SNX18: variants seen among roughly 807,000 people sequenced by gnomAD.
SNX18 encodes the protein sorting nexin 18, also known as sorting nexin-18.
Under a neutral mutation model 48.7 loss-of-function variants are expected in SNX18, and 35 were observed. That is an observed-to-expected ratio of 0.72 (90% confidence interval 0.55 to 0.95). SNX18 has a LOEUF of 0.95. Ranked by LOEUF, SNX18 falls within the 40% of genes least tolerant of loss-of-function variation. The pLI is 0.00. For missense variants in SNX18, 824 were observed against 871.0 expected (o/e 0.95, Z 0.68); for synonymous variants, 492 against 384.7 (o/e 1.28, Z -3.26).
intron 1 of SNX18, among the ~76,000 whole-genome samples, chr5:54,540,575 C>T (rs1311196179): frequency 2.1e-5 from 2 of 96,936 alleles, no homozygotes; most frequent in East Asian, 4.0e-4. Context: ...TTCTATATAA[C>T]ACAGTGCAGT....
At chr5:54,542,030 C>T (rs369253272) in intron 1 of SNX18, among the ~76,000 whole-genome samples, 1 of 152,180 alleles carries the variant, frequency 6.6e-6, no homozygotes, top group Non-Finnish European at 1.5e-5. Context: ...CCAAGCCAGG[C>T]ACTCTAGCTG....
At chr5:54,547,759 C>T (rs1385365515), downstream of SNX18, among the ~76,000 whole-genome samples, 2 of 152,204 alleles carry the variant, frequency 1.3e-5, no homozygotes, top group African/African-American at 4.8e-5. Flanking sequence ...ACTTTCACCT[C>T]CATGCAGTGC....
At chr5:54,617,103 G>T in the SNX18 span, among the ~76,000 whole-genome samples, 1 of 152,126 alleles carries the variant, frequency 6.6e-6, no homozygotes, top group Non-Finnish European at 1.5e-5. Flanking sequence ...TTCGTCAAAG[G>T]CCCCTTCAAA....
chr5:54,534,059 G>A (rs943725365), intron 1 of SNX18, among the ~76,000 whole-genome samples: 7 of 152,010 alleles, frequency 4.6e-5, no homozygotes, highest in African/African-American at 7.2e-5. Flanking sequence ...AAAACAGGCC[G>A]AGTCCAGTCT....
the SNX18 span, among the ~76,000 whole-genome samples, chr5:54,556,352 G>A: frequency 6.6e-6 from 1 of 152,140 alleles, no homozygotes; most frequent in Non-Finnish European, 1.5e-5. Context: ...CTCTGCGGGA[G>A]AATCCATTTC....
the SNX18 span, among the ~76,000 whole-genome samples, chr5:54,571,488 T>C: frequency 3.9e-5 from 6 of 152,322 alleles, no homozygotes; most frequent in Non-Finnish European, 8.8e-5. Flanking sequence ...GTGGTAAGAA[T>C]TGTTCTCTGA....
At chr5:54,629,383 C>G in the SNX18 span, among the ~76,000 whole-genome samples, 1 of 152,242 alleles carries the variant, frequency 6.6e-6, no homozygotes, top group Non-Finnish European at 1.5e-5. Flanking sequence ...TTAGCCCCAA[C>G]TTTGAAAGGC....
chr5:54,629,528 T>G, the SNX18 span, among the ~76,000 whole-genome samples: 2 of 152,218 alleles, frequency 1.3e-5, no homozygotes, highest in Non-Finnish European at 2.9e-5. Context: ...CTCAGATGGA[T>G]AGTTGGATTT....
the SNX18 span, among the ~76,000 whole-genome samples, chr5:54,613,586 C>T: frequency 6.6e-6 from 1 of 152,184 alleles, no homozygotes; most frequent in Non-Finnish European, 1.5e-5. Context: ...CATTCAAACC[C>T]AAGCAGGAAT....
At chr5:54,637,936 T>G in the SNX18 span, among the ~76,000 whole-genome samples, 1 of 152,136 alleles carries the variant, frequency 6.6e-6, no homozygotes, top group African/African-American at 2.4e-5. Flanking sequence ...CGGGCTGCTC[T>G]CCAGCTTCTC....
the SNX18 span, among the ~76,000 whole-genome samples, chr5:54,589,418 A>G: frequency 6.6e-6 from 1 of 152,164 alleles, no homozygotes; most frequent in Non-Finnish European, 1.5e-5. Flanking sequence ...CACCACACAT[A>G]TGCCTTCTTA....
At chr5:54,570,854 C>T in the SNX18 span, among the ~76,000 whole-genome samples, 1 of 152,120 alleles carries the variant, frequency 6.6e-6, no homozygotes, top group Non-Finnish European at 1.5e-5. Context: ...TCTGAAAGAG[C>T]GATTCAGTAA....
chr5:54,551,765 G>A, the SNX18 span, among the ~76,000 whole-genome samples: 1 of 152,184 alleles, frequency 6.6e-6, no homozygotes, highest in Non-Finnish European at 1.5e-5. Context: ...ATTAAGTGGT[G>A]ATGTGGTGGT....
the SNX18 span, among the ~76,000 whole-genome samples, chr5:54,606,973 C>T: frequency 6.6e-6 from 1 of 152,162 alleles, no homozygotes; most frequent in Non-Finnish European, 1.5e-5. Flanking sequence ...ACCTTCCTCA[C>T]CCACCCCATC....
intron 1 of SNX18, among the ~76,000 whole-genome samples, chr5:54,534,892 T>C (rs1039026860): frequency 5.9e-5 from 9 of 152,172 alleles, no homozygotes; most frequent in Non-Finnish European, 1.3e-4. Flanking sequence ...TCTCATACTG[T>C]CATTCTAGAA....
At chr5:54,600,480 A>G in the SNX18 span, among the ~76,000 whole-genome samples, 1 of 152,242 alleles carries the variant, frequency 6.6e-6, no homozygotes, top group Non-Finnish European at 1.5e-5. Flanking sequence ...ATTACTGGGT[A>G]TATACCAAAG....
the SNX18 span, among the ~76,000 whole-genome samples, chr5:54,576,101 G>C: frequency 6.6e-6 from 1 of 152,260 alleles, no homozygotes; most frequent in East Asian, 1.9e-4. Flanking sequence ...CACAGGGGTA[G>C]AGGAGAGCTT....
chr5:54,541,296 AG>A (rs1161701141), intron 1 of SNX18, among the ~76,000 whole-genome samples: 1 of 152,052 alleles, frequency 6.6e-6, no homozygotes, highest in Non-Finnish European at 1.5e-5. Flanking sequence ...CCAAAGTCTT[AG>A]GATTACAGGC....
At chr5:54,577,126 T>C in the SNX18 span, among the ~76,000 whole-genome samples, 1 of 152,138 alleles carries the variant, frequency 6.6e-6, no homozygotes, top group Admixed American at 6.5e-5. Flanking sequence ...TTGTTCTAAG[T>C]GAGGACTGGA....
Sources: gnomAD v4.1 joint callset for allele counts (sites outside exome capture counted in the v4.1 genomes callset) on GRCh38, gnomAD v4.1.1 for gene constraint, MANE v1.5 for transcripts, NCBI Gene and HGNC (gene_info 2026-07-23, HGNC 2026-07-21) for gene names.